The following GABRG3 variants were observed in gnomAD, a reference collection of about 807,000 sequenced individuals.
GABRG3 encodes gamma-aminobutyric acid receptor subunit gamma-3.
Under a neutral mutation model 48.8 loss-of-function variants are expected in GABRG3, and 25 were observed. The observed-to-expected ratio is 0.51, with a 90% confidence interval of 0.37 to 0.72. GABRG3 has a LOEUF of 0.72. Among genes scored for constraint, GABRG3 ranks in the 30% least tolerant of loss-of-function variants. The pLI is 0.00. For missense variants in GABRG3, 394 were observed against 577.9 expected, an observed-to-expected ratio of 0.68 and a Z score of 3.26; for synonymous variants, 227 against 217.6, an observed-to-expected ratio of 1.04 and a Z score of -0.38.
At chr15:27,407,521 C>T (rs1005231075) in intron 5 of GABRG3, among the ~76,000 whole-genome samples, 14 of 152,212 alleles carry the variant, frequency 9.2e-5, no homozygotes, top group Non-Finnish European at 1.9e-4. Flanking sequence ...ATGTTTGTGG[C>T]AGCTTTATTC....
chr15:27,465,827 C>T (rs1355743802), intron 5 of GABRG3, among the ~76,000 whole-genome samples: 1 of 152,138 alleles, frequency 6.6e-6, no homozygotes, highest in Non-Finnish European at 1.5e-5. Flanking sequence ...GAAAATAACA[C>T]AAAATAATAT....
intron 3 of GABRG3, among the ~76,000 whole-genome samples, chr15:27,243,043 C>T (rs1049740795): frequency 2.0e-5 from 3 of 152,192 alleles, no homozygotes; most frequent in Non-Finnish European, 4.4e-5. Context: ...TGGTCAGAGT[C>T]ACCATAGATG....
intron 3 of GABRG3, among the ~76,000 whole-genome samples, chr15:27,170,540 A>G (rs749558745): frequency 2.0e-5 from 3 of 152,214 alleles, no homozygotes; most frequent in Non-Finnish European, 4.4e-5. Context: ...AGAGAAGAAG[A>G]CAGAACAAAA....
At chr15:27,469,055 T>C (rs1486514523) in intron 5 of GABRG3, among the ~76,000 whole-genome samples, 5 of 152,208 alleles carry the variant, frequency 3.3e-5, no homozygotes, top group African/African-American at 1.2e-4. Context: ...GATTCAGCAC[T>C]ATCCATGGTT....
chr15:26,973,916 T>G (rs1894889681), intron 1 of GABRG3, among the ~76,000 whole-genome samples: 1 of 152,212 alleles, frequency 6.6e-6, no homozygotes, highest in African/African-American at 2.4e-5. Flanking sequence ...CAAGTAACAG[T>G]GCTCATAAAG....
intron 3 of GABRG3, among the ~76,000 whole-genome samples, chr15:27,037,261 G>C (rs1896195366): frequency 6.6e-6 from 1 of 152,176 alleles, no homozygotes; most frequent in South Asian, 2.1e-4. Flanking sequence ...TAGCAGCCCA[G>C]CACTAGCACT....
Position 27,307,419 on chromosome 15 carries a change from A to C in GABRG3, c.271-19390A>C, listed in dbSNP as rs375217669. 7.7e-4 allele frequency among the ~76,000 whole-genome samples: 66 copies of C among 85,700 alleles called. 2 individuals are homozygous for C. Among genetic ancestry groups the C allele is most frequent in the East Asian group, 2.8e-3 (11 of 3,934 alleles). The allele number at this position is 85,700 out of a possible 152,430, so 56.2% of individuals were successfully genotyped here. A position where few individuals can be genotyped will look rare whatever the true frequency, so the allele number is the denominator to read the frequency against. On this transcript the variant is annotated intron_variant, in intron 3 of 9. Transcript: ENST00000615808. ...TATAGGTTTATATATTTATATATAA[A>C]CATATAGGTTTATATATTTATATAT... is the stretch of plus-strand genomic sequence containing the variant.
At chr15:27,149,913 G>A (rs1045122134) in intron 3 of GABRG3, among the ~76,000 whole-genome samples, 1 of 152,110 alleles carries the variant, frequency 6.6e-6, no homozygotes, top group African/African-American at 2.4e-5. Flanking sequence ...TTAAGCACTT[G>A]GTTTAGAATT....
At position 27,326,861 on chromosome 15, in the gene GABRG3, G is replaced by A. The variant is rs768588213; in HGVS notation, c.323G>A (p.Arg108Gln). ...CAGACCTGGACAGATAGTCGCCTTCGATTCAACAGCACAATGAAAATTCTT... is the reference window on the plus strand; with the variant it reads ...CAGACCTGGACAGATAGTCGCCTTCAATTCAACAGCACAATGAAAATTCTT... Reference protein sequence around the residue: ...FAQTWTDSRLRFNSTMKILTL... With the variant: ...FAQTWTDSRLQFNSTMKILTL... Residue 108 changes from arginine (R) to glutamine (Q), a missense_variant, in exon 4 of 10, where the codon CGA (arginine) becomes CAA (glutamine). Transcript: ENST00000615808. 11 of 1,613,964 alleles carry A rather than the reference G, an allele frequency of 6.8e-6. No homozygotes were observed. Among genetic ancestry groups the A allele is most frequent in the South Asian group, 4.4e-5 (4 of 91,068 alleles).
At chr15:27,141,429 G>C (rs1898100626) in intron 3 of GABRG3, among the ~76,000 whole-genome samples, 1 of 152,192 alleles carries the variant, frequency 6.6e-6, no homozygotes, top group Non-Finnish European at 1.5e-5. Flanking sequence ...TCTGGTTCCT[G>C]CGAGATTTTA....
At chr15:27,346,076 AGAAG>A in intron 5 of GABRG3, among the ~76,000 whole-genome samples, 1 of 3,714 alleles carries the variant, frequency 2.7e-4, no homozygotes, top group African/African-American at 8.7e-4. Flanking sequence ...AGAGAGAGAA[AGAAG>A]AGAGAGAAAG....
At chr15:27,430,455 ATCT>A (rs1888416223) in intron 5 of GABRG3, among the ~76,000 whole-genome samples, 1 of 152,144 alleles carries the variant, frequency 6.6e-6, no homozygotes, top group Non-Finnish European at 1.5e-5. Flanking sequence ...TTGGTGTATT[ATCT>A]AAAATTCCAT....
In GABRG3 at chr15:27,268,397, A is replaced by T. The variant is rs569620321; in HGVS notation, c.271-58412A>T. Among the ~76,000 whole-genome samples the T allele has an allele frequency of 2.6e-5, 4 of 152,258 alleles. No individual in the cohort carries two copies. In the South Asian group the frequency reaches 8.3e-4, roughly 32 times the overall value. On this transcript the variant is annotated intron_variant, in intron 3 of 9. Transcript: ENST00000615808. Reference sequence around the variant, plus strand: ...GTAATGTCACCTCTTCTGGTTTTTGATACAACTAATTTGTCTTCTCTTTTT... The same window carrying T: ...GTAATGTCACCTCTTCTGGTTTTTGTTACAACTAATTTGTCTTCTCTTTTT...
At chr15:27,512,077 T>A (rs773885378) in intron 6 of GABRG3, among the ~76,000 whole-genome samples, 8 of 152,148 alleles carry the variant, frequency 5.3e-5, no homozygotes, top group Non-Finnish European at 7.3e-5. Flanking sequence ...TTAGTATTAA[T>A]CTCAATGAGA....
chr15:27,076,605 T>C (rs1896914929), intron 3 of GABRG3, among the ~76,000 whole-genome samples: 1 of 152,164 alleles, frequency 6.6e-6, no homozygotes, highest in Non-Finnish European at 1.5e-5. Context: ...ATTGCAGGCA[T>C]GAGCCACCGT....
intron 5 of GABRG3, among the ~76,000 whole-genome samples, chr15:27,443,786 G>C (rs903079445): frequency 6.6e-6 from 1 of 152,130 alleles, no homozygotes; most frequent in Non-Finnish European, 1.5e-5. Flanking sequence ...GGAGGGTTTT[G>C]TCAGGTACCC....
intron 3 of GABRG3, among the ~76,000 whole-genome samples, chr15:27,238,849 T>C (rs1890053574): frequency 6.6e-6 from 1 of 152,236 alleles, no homozygotes; most frequent in South Asian, 2.1e-4. Flanking sequence ...CCAACGTTGC[T>C]ATTGTGCTGT....
chr15:27,172,759 C>G (rs962829791), intron 3 of GABRG3, among the ~76,000 whole-genome samples: 3 of 152,046 alleles, frequency 2.0e-5, no homozygotes, highest in Non-Finnish European at 4.4e-5. Flanking sequence ...GACTGCAGAC[C>G]CGGTTACCCA....
chr15:27,116,233 A>G (rs891598755), intron 3 of GABRG3, among the ~76,000 whole-genome samples: 1 of 152,216 alleles, frequency 6.6e-6, no homozygotes, highest in African/African-American at 2.4e-5. Context: ...CCTGGGGAAC[A>G]TGCCCAAAGA....
Sources: allele counts gnomAD v4.1 joint callset (sites outside exome capture counted in the v4.1 genomes callset), GRCh38; gene constraint gnomAD v4.1.1; transcripts MANE v1.5; gene names NCBI Gene and HGNC (gene_info 2026-07-23, HGNC 2026-07-21).